ARMH4: variants seen among roughly 807,000 people sequenced by gnomAD.
The protein encoded by ARMH4 is armadillo-like helical domain-containing protein 4.
ARMH4 carries 49 observed loss-of-function variants against 61.9 expected under a neutral mutation model. That is an observed-to-expected ratio of 0.79 (90% CI 0.63 to 1.00). ARMH4 has a LOEUF of 1.00. ARMH4 is among the 50% of genes least tolerant of loss of function. ARMH4 has a pLI of 0.00. For synonymous variants in ARMH4, 368 were observed against 341.5 expected, an observed-to-expected ratio of 1.08 and a Z score of -0.85; for missense variants, 934 against 930.0, an observed-to-expected ratio of 1.00 and a Z score of -0.06.
chr14:58,024,437 C>A (rs1228668716), intron 5 of ARMH4, among the ~76,000 whole-genome samples: 1 of 152,144 alleles, frequency 6.6e-6, no homozygotes, highest in African/African-American at 2.4e-5. Context: ...TTAGGGTCTT[C>A]CTCTAGAATA....
At chr14:58,083,754 T>A (rs982615685) in intron 5 of ARMH4, among the ~76,000 whole-genome samples, 1 of 152,194 alleles carries the variant, frequency 6.6e-6, no homozygotes, top group Non-Finnish European at 1.5e-5. Context: ...AAATTAAATA[T>A]CCAGAAAAGG....
At chr14:58,009,459 G>C (rs1278747370) in intron 6 of ARMH4, among the ~76,000 whole-genome samples, 1 of 151,930 alleles carries the variant, frequency 6.6e-6, no homozygotes, top group Non-Finnish European at 1.5e-5. Context: ...AAGAAGCTTG[G>C]GCCGCTCTCA....
chr14:58,056,154 T>A (rs1884341667), intron 5 of ARMH4, among the ~76,000 whole-genome samples: 1 of 152,224 alleles, frequency 6.6e-6, no homozygotes, highest in Non-Finnish European at 1.5e-5. Flanking sequence ...GAAACCAAGA[T>A]GGGATTTCTC....
chr14:58,017,295 C>T (rs911675685), intron 5 of ARMH4, among the ~76,000 whole-genome samples: 1 of 152,154 alleles, frequency 6.6e-6, no homozygotes, highest in Non-Finnish European at 1.5e-5. Flanking sequence ...CCCTTGGCAA[C>T]AGACCAACAC....
chr14:58,124,649 GAAAA>G (rs1031058322), intron 4 of ARMH4, among the ~76,000 whole-genome samples: 3 of 152,180 alleles, frequency 2.0e-5, no homozygotes, highest in African/African-American at 7.2e-5. Flanking sequence ...AGACAATAAA[GAAAA>G]GATAGAACAT....
intron 5 of ARMH4, among the ~76,000 whole-genome samples, chr14:58,026,316 C>G (rs1883019006): frequency 6.6e-6 from 1 of 151,998 alleles, no homozygotes. Flanking sequence ...ATTTGCCTCC[C>G]CCTATGCTTG....
At chr14:58,093,462 G>A (rs1885640587) in intron 5 of ARMH4, among the ~76,000 whole-genome samples, 1 of 152,104 alleles carries the variant, frequency 6.6e-6, no homozygotes, top group Non-Finnish European at 1.5e-5. Flanking sequence ...AAAGCACTGG[G>A]ATTACAGGTG....
chr14:58,099,348 A>G (rs1438183479), intron 4 of ARMH4, among the ~76,000 whole-genome samples: 2 of 152,224 alleles, frequency 1.3e-5, no homozygotes, highest in Non-Finnish European at 2.9e-5. Context: ...GCAGAGGAAG[A>G]TCCACACAGG....
At chr14:58,070,220 A>C (rs1384745271) in intron 5 of ARMH4, among the ~76,000 whole-genome samples, 1 of 152,206 alleles carries the variant, frequency 6.6e-6, no homozygotes, top group East Asian at 1.9e-4. Flanking sequence ...AGGAGGAAGA[A>C]GGTGATAAGC....
chr14:58,061,131 G>A (rs1884517806), intron 5 of ARMH4, among the ~76,000 whole-genome samples: 1 of 152,148 alleles, frequency 6.6e-6, no homozygotes, highest in African/African-American at 2.4e-5. Context: ...GCCCAGCCAG[G>A]CCACACTTAA....
chr14:58,110,701 A>C (rs1455864607), intron 4 of ARMH4, among the ~76,000 whole-genome samples: 1 of 152,018 alleles, frequency 6.6e-6, no homozygotes, highest in Admixed American at 6.6e-5. Context: ...GCATGATATC[A>C]ATTCTTTAAA....
chr14:58,065,012 G>A (rs1033558978), intron 5 of ARMH4, among the ~76,000 whole-genome samples: 2 of 152,284 alleles, frequency 1.3e-5, no homozygotes, highest in South Asian at 2.1e-4. Flanking sequence ...GGGAGGCCGA[G>A]GCGGGCAGAT....
At chr14:58,022,622 C>G (rs1882882024) in intron 5 of ARMH4, among the ~76,000 whole-genome samples, 1 of 152,270 alleles carries the variant, frequency 6.6e-6, no homozygotes, top group African/African-American at 2.4e-5. Flanking sequence ...CTTCCTCACT[C>G]CCTCTCCATA....
chr14:58,106,224 CCT>C lies in ARMH4; in HGVS notation c.1832-9245_1832-9244del, dbSNP rs1886161368. On this transcript the variant is annotated intron_variant, in intron 4 of 7. Transcript: ENST00000267485. ...GAGCTAATGGATTTTTCCATAGCATCCTTACCGAGATCAAGTCACTCGGGATT... is the reference window on the plus strand; with the variant it reads ...GAGCTAATGGATTTTTCCATAGCATCTACCGAGATCAAGTCACTCGGGATT... Among the ~76,000 whole-genome samples the C allele has an allele frequency of 2.6e-5, 4 of 152,140 alleles. No homozygotes were observed. In the South Asian group the frequency reaches 8.3e-4, roughly 32 times the overall value.
intron 4 of ARMH4, among the ~76,000 whole-genome samples, chr14:58,118,116 T>A (rs928828562): frequency 3.9e-5 from 6 of 152,284 alleles, no homozygotes; most frequent in African/African-American, 1.4e-4. Context: ...AGAATAAGTT[T>A]GAGCTGAATT....
chr14:58,038,671 T>C (rs1430366861), intron 5 of ARMH4, among the ~76,000 whole-genome samples: 1 of 152,160 alleles, frequency 6.6e-6, no homozygotes, highest in Non-Finnish European at 1.5e-5. Flanking sequence ...AAAGATATAG[T>C]GGCCGGTTTA....
chr14:58,068,538 A>G (rs892409794), intron 5 of ARMH4, among the ~76,000 whole-genome samples: 1 of 152,182 alleles, frequency 6.6e-6, no homozygotes, highest in African/African-American at 2.4e-5. Flanking sequence ...ATGATCTGTC[A>G]TTTAGGAACA....
chr14:58,150,594 C>A (rs1306415997), intron 1 of ARMH4, among the ~76,000 whole-genome samples: 1 of 152,150 alleles, frequency 6.6e-6, no homozygotes, highest in Non-Finnish European at 1.5e-5. Flanking sequence ...TAAGAAGCCT[C>A]CCATGAAAAC....
At position 58,015,367 on chromosome 14, in the gene ARMH4, C is replaced by G. The variant is rs57887259; in HGVS notation, c.2090-3217G>C. On this transcript the variant is annotated intron_variant, in intron 5 of 7. Coordinates refer to ENST00000267485, the MANE Select transcript of ARMH4 (RefSeq NM_001001872.4). ...AGAGAGAGGATAGTGAGTAAGTATT[C>G]TGGTGGGCACAGGTCTAAAAAGGTT... is the stretch of plus-strand genomic sequence containing the variant. Among the ~76,000 whole-genome samples the G allele has an allele frequency of 4.5e-3, 678 of 152,220 alleles. 4 individuals are homozygous for G. Among genetic ancestry groups the G allele is most frequent in the African/African-American group, 0.016 (645 of 41,538 alleles).
Sources: gnomAD v4.1 joint callset for allele counts (sites outside exome capture counted in the v4.1 genomes callset) on GRCh38, gnomAD v4.1.1 for gene constraint, MANE v1.5 for transcripts, NCBI Gene and HGNC (gene_info 2026-07-23, HGNC 2026-07-21) for gene names.